Variants in APBA1 observed in about 807,000 individuals in gnomAD.
APBA1 encodes the protein amyloid beta precursor protein binding family A member 1.
In APBA1, 55 loss-of-function variants were observed where a neutral mutation model predicts 86.6. The ratio of observed to expected loss-of-function variants is 0.64; its 90% CI spans 0.51 to 0.80. The LOEUF is 0.80. APBA1 is among the 30% of genes least tolerant of loss of function. The probability of loss-of-function intolerance (pLI) is 0.00; values close to 1 mark genes in which losing one functional copy is unlikely to be tolerated. For missense variants in APBA1, 1,090 were observed against 1,183.0 expected (o/e 0.92, Z 1.15); for synonymous variants, 511 against 493.9 (o/e 1.03, Z -0.46).
At chr9:69,605,897 A>G (rs1377114156) in intron 1 of APBA1, among the ~76,000 whole-genome samples, 1 of 152,264 alleles carries the variant, frequency 6.6e-6, no homozygotes, top group East Asian at 1.9e-4. Context: ...TAAGCAATCA[A>G]CATGTATTTA....
intron 5 of APBA1, among the ~76,000 whole-genome samples, chr9:69,459,850 T>C (rs1172437047): frequency 6.6e-6 from 1 of 152,266 alleles, no homozygotes; most frequent in African/African-American, 2.4e-5. Flanking sequence ...CAGTGCCTCA[T>C]ACATTCTAAG....
chr9:69,580,413 C>T (rs1406789998), intron 1 of APBA1, among the ~76,000 whole-genome samples: 1 of 152,148 alleles, frequency 6.6e-6, no homozygotes, highest in Non-Finnish European at 1.5e-5. Flanking sequence ...CTTTTCCTCA[C>T]CCTGCCTGAA....
chr9:69,535,951 G>A (rs1836501239), intron 1 of APBA1, among the ~76,000 whole-genome samples: 1 of 151,522 alleles, frequency 6.6e-6, no homozygotes, highest in African/African-American at 2.4e-5. Flanking sequence ...GTGTATCTTG[G>A]TCTCTCTCTT....
At chr9:69,459,822 C>T (rs557987745) in intron 5 of APBA1, among the ~76,000 whole-genome samples, 71 of 152,258 alleles carry the variant, frequency 4.7e-4, no homozygotes, top group Non-Finnish European at 7.6e-4. Context: ...AAAATGAATA[C>T]ATGCAAAGCT....
At chr9:69,455,263 G>A (rs1835076320) in intron 8 of APBA1, among the ~76,000 whole-genome samples, 1 of 152,118 alleles carries the variant, frequency 6.6e-6, no homozygotes, top group Non-Finnish European at 1.5e-5. Flanking sequence ...GTGTCAGGAG[G>A]AAAAATGAGC....
intron 1 of APBA1, among the ~76,000 whole-genome samples, chr9:69,566,762 G>A (rs931404609): frequency 6.6e-5 from 10 of 151,992 alleles, no homozygotes; most frequent in African/African-American, 2.4e-4. Context: ...TTCAATGCTG[G>A]CTCCCCAGCT....
intron 3 of APBA1, chr9:69,472,592 T>C (rs1432880793): frequency 6.6e-6 from 1 of 152,102 alleles, no homozygotes; most frequent in Non-Finnish European, 1.5e-5. Context: ...GGGCAGAAGG[T>C]AAGGTTTGCA....
chr9:69,543,407 T>G (rs1321912763), intron 1 of APBA1, among the ~76,000 whole-genome samples: 1 of 152,132 alleles, frequency 6.6e-6, no homozygotes, highest in African/African-American at 2.4e-5. Flanking sequence ...ATTATAGGTC[T>G]GAGGAAGTAC....
intron 1 of APBA1, among the ~76,000 whole-genome samples, chr9:69,534,121 C>T (rs1276655390): frequency 1.3e-5 from 2 of 152,200 alleles, no homozygotes; most frequent in African/African-American, 4.8e-5. Context: ...GATTCGTCCA[C>T]CTTCTTTTCT....
At chr9:69,484,806 G>C (rs1410203835) in intron 2 of APBA1, among the ~76,000 whole-genome samples, 1 of 151,986 alleles carries the variant, frequency 6.6e-6, no homozygotes, top group African/African-American at 2.4e-5. Context: ...TGAATAAATG[G>C]CTTCAGTTTA....
rs972410088 is a variant in APBA1 at position 69,449,247 on chromosome 9, T to C, written c.2181+337A>G. Among the ~76,000 whole-genome samples, 4 of 152,326 alleles carry C rather than the reference T, an allele frequency of 2.6e-5. No homozygotes were observed. In the East Asian group the frequency reaches 7.7e-4, roughly 29 times the overall value. On this transcript the variant is annotated intron_variant, in intron 10 of 12. Coordinates refer to ENST00000265381, the MANE Select transcript of APBA1 (RefSeq NM_001163.4). Reference sequence around the variant, plus strand: ...GGCTGACTATAAGTGACTGTCTGGATTCCCAAGCTGAGGCCATTTCTGTTG... The same window carrying C: ...GGCTGACTATAAGTGACTGTCTGGACTCCCAAGCTGAGGCCATTTCTGTTG...
chr9:69,649,700 C>T (rs1823459906), intron 1 of APBA1, among the ~76,000 whole-genome samples: 1 of 152,184 alleles, frequency 6.6e-6, no homozygotes, highest in South Asian at 2.1e-4. Context: ...ATGCACAGCA[C>T]TCACATCACA....
At chr9:69,597,028 T>C (rs1242521993) in intron 1 of APBA1, among the ~76,000 whole-genome samples, 4 of 152,228 alleles carry the variant, frequency 2.6e-5, no homozygotes, top group Non-Finnish European at 2.9e-5. Flanking sequence ...GGTTAAATTA[T>C]GTTTGGCACA....
At chr9:69,575,933 A>G (rs1251958595) in intron 1 of APBA1, among the ~76,000 whole-genome samples, 2 of 152,192 alleles carry the variant, frequency 1.3e-5, no homozygotes, top group African/African-American at 2.4e-5. Context: ...CTACAGAATA[A>G]GAGAAAATTT....
chr9:69,644,008 C>T (rs1823342857), intron 1 of APBA1, among the ~76,000 whole-genome samples: 1 of 152,246 alleles, frequency 6.6e-6, no homozygotes, highest in African/African-American at 2.4e-5. Flanking sequence ...TGTTCCCTCA[C>T]TTCATCAGGC....
chr9:69,566,532 A>T (rs1432556887), intron 1 of APBA1, among the ~76,000 whole-genome samples: 1 of 152,158 alleles, frequency 6.6e-6, no homozygotes, highest in Non-Finnish European at 1.5e-5. Context: ...TACAAATATA[A>T]ATCTGATCAT....
chr9:69,429,785 T>C lies in APBA1; in HGVS notation c.*1542A>G, dbSNP rs1378678219. The C allele has an allele frequency of 6.6e-6, 1 of 151,602 alleles. No individual in the cohort carries two copies. Among genetic ancestry groups the C allele is most frequent in the Non-Finnish European group, 1.5e-5 (1 of 67,952 alleles). 9.4% of individuals were successfully genotyped at this position (151,602 alleles called of 1,614,324 possible). A position where few individuals can be genotyped will look rare whatever the true frequency, so the allele number is the denominator to read the frequency against. ...TATTTCCATAGACACAACATAAATA[T>C]CTCGGATGCAGAGAACAGGGACTAT... On this transcript the variant is annotated 3_prime_UTR_variant, in exon 13 of 13. Coordinates refer to ENST00000265381, the MANE Select transcript of APBA1 (RefSeq NM_001163.4).
rs147874630 is a variant in APBA1, at chr9:69,472,780, G to A, written c.1297-1085C>T. Among the ~76,000 whole-genome samples, 494 of 152,258 alleles carry A rather than the reference G, an allele frequency of 3.2e-3. 2 individuals carry two copies. The highest frequency in any genetic ancestry group is 0.011 in the African/African-American group (472 of 41,548). ...AGGAAAGCGCCCTGGGTGAGTGTTG[G>A]GATGTCATGGGGAGCAACTCCCTAA... On this transcript the variant is annotated intron_variant, in intron 3 of 12. Transcript: ENST00000265381.
At chr9:69,590,535 C>A (rs1822109541) in intron 1 of APBA1, among the ~76,000 whole-genome samples, 1 of 152,176 alleles carries the variant, frequency 6.6e-6, no homozygotes, top group Non-Finnish European at 1.5e-5. Flanking sequence ...GATGGGAAAG[C>A]AGCTGAGAAT....
Sources: allele counts gnomAD v4.1 joint callset (sites outside exome capture counted in the v4.1 genomes callset), GRCh38; gene constraint gnomAD v4.1.1; transcripts MANE v1.5; gene names NCBI Gene and HGNC (gene_info 2026-07-23, HGNC 2026-07-21).